Variants in MAP2K5 observed in about 807,000 individuals in gnomAD.
MAP2K5 encodes the protein mitogen-activated protein kinase kinase 5.
In MAP2K5, 49 loss-of-function variants were observed where a neutral mutation model predicts 83.1. That is an observed-to-expected ratio of 0.59 (90% CI 0.47 to 0.75). The LOEUF is 0.75. Among genes scored for constraint, MAP2K5 ranks in the 30% least tolerant of loss-of-function variants. MAP2K5 has a pLI of 0.00. For synonymous variants in MAP2K5, 202 were observed against 191.8 expected, an observed-to-expected ratio of 1.05 and a Z score of -0.44; for missense variants, 457 against 557.5, an observed-to-expected ratio of 0.82 and a Z score of 1.82.
intron 3 of MAP2K5, among the ~76,000 whole-genome samples, chr15:67,566,291 C>T (rs8031869): frequency 1.3e-5 from 2 of 152,156 alleles, no homozygotes; most frequent in African/African-American, 4.8e-5. Flanking sequence ...TCTCATGCCT[C>T]AGCCTCCCGG....
At chr15:67,692,107 A>T (rs2088128241) in intron 13 of MAP2K5, among the ~76,000 whole-genome samples, 1 of 152,202 alleles carries the variant, frequency 6.6e-6, no homozygotes, top group African/African-American at 2.4e-5. Context: ...ATATAGAGCA[A>T]AACTCATCCT....
chr15:67,648,250 C>G (rs2086872440), intron 11 of MAP2K5, among the ~76,000 whole-genome samples: 1 of 152,118 alleles, frequency 6.6e-6, no homozygotes, highest in African/African-American at 2.4e-5. Context: ...TCCTCAAGTC[C>G]TTGGCAACCA....
intron 2 of MAP2K5, among the ~76,000 whole-genome samples, chr15:67,558,537 G>T (rs1158464991): frequency 1.3e-5 from 2 of 152,166 alleles, no homozygotes; most frequent in Non-Finnish European, 2.9e-5. Flanking sequence ...CAACCCTCCA[G>T]TGATTTCCAT....
At chr15:67,590,442 CCTCCCTCT>C in intron 6 of MAP2K5, among the ~76,000 whole-genome samples, 1 of 5,836 alleles carries the variant, frequency 1.7e-4, no homozygotes, top group African/African-American at 3.8e-4. Flanking sequence ...TCTCTCCCTC[CCTCCCTCT>C]CTCTCTCTCT....
intron 12 of MAP2K5, chr15:67,659,139 T>C (rs1367362830): frequency 1.3e-5 from 3 of 238,760 alleles, no homozygotes; most frequent in African/African-American, 7.0e-5. Context: ...TATTCTTGTA[T>C]TTTCTATATG....
intron 9 of MAP2K5, among the ~76,000 whole-genome samples, chr15:67,631,568 T>A (rs982661682): frequency 7.2e-5 from 11 of 152,166 alleles, no homozygotes; most frequent in Non-Finnish European, 1.6e-4. Context: ...CTCGGCATAC[T>A]GAAATACCCA....
In MAP2K5 at chr15:67,664,613, C is replaced by A; in HGVS notation, c.815C>A (p.Thr272Asn). 1 of 1,592,884 alleles carries A rather than the reference C, an allele frequency of 6.3e-7. No homozygotes were observed. Among genetic ancestry groups the A allele is most frequent in the Non-Finnish European group, 8.6e-7 (1 of 1,161,562 alleles). ...RIAVAVVKGLTYLWSLKILHR... is the reference protein window; with the variant it reads ...RIAVAVVKGLNYLWSLKILHR... ...TAAATTTAGGTTGTTAAAGGCCTTA[C>A]TTATTTGTGGAGTTTAAAGATTTTA... Residue 272 changes from threonine (T) to asparagine (N), a missense_variant, in exon 13 of 22, where the codon ACT (threonine) becomes AAT (asparagine). This residue lies in a region of MAP2K5 where 168 missense variants were observed against 263.0 expected (regional missense o/e 0.64). Coordinates refer to ENST00000178640, the MANE Select transcript of MAP2K5 (RefSeq NM_145160.3).
chr15:67,558,569 A>G (rs2084672936), intron 2 of MAP2K5, among the ~76,000 whole-genome samples: 1 of 152,186 alleles, frequency 6.6e-6, no homozygotes. Context: ...GTAAAAGACC[A>G]AGTCCTTAAA....
intron 15 of MAP2K5, among the ~76,000 whole-genome samples, chr15:67,699,167 A>T (rs1471678952): frequency 6.6e-6 from 1 of 151,494 alleles, no homozygotes; most frequent in African/African-American, 2.4e-5. Flanking sequence ...TGCACCGAAG[A>T]GCTAAAAAGA....
intron 8 of MAP2K5, among the ~76,000 whole-genome samples, chr15:67,602,595 G>A (rs567080719): frequency 2.4e-4 from 36 of 152,144 alleles, no homozygotes; most frequent in Non-Finnish European, 3.7e-4. Flanking sequence ...GAATTTTTAC[G>A]AGACATAATA....
In MAP2K5 at chr15:67,630,765, T is replaced by G. The variant is rs1196052917; in HGVS notation, c.546-123T>G. On this transcript the variant is annotated intron_variant, in intron 8 of 21. Coordinates refer to ENST00000178640, the MANE Select transcript of MAP2K5 (RefSeq NM_145160.3). ...AAATGTAAATTACTAATGTTGTTAG[T>G]GTTCTTTGAAAGTACCATGTATCCC... 8.5e-5 allele frequency: 58 copies of G among 682,128 alleles called. No homozygotes were observed. In the Admixed American group the frequency reaches 1.5e-3, roughly 18 times the overall value. The allele number at this position is 682,128 out of a possible 1,614,324, so 42.3% of individuals were successfully genotyped here.
In MAP2K5 at chr15:67,637,611, A is replaced by G. The variant is rs2086629615; in HGVS notation, c.585+6684A>G. On this transcript the variant is annotated intron_variant, in intron 9 of 21. Coordinates refer to ENST00000178640, the MANE Select transcript of MAP2K5 (RefSeq NM_145160.3). This position sits in a 1 kb window ranked among gnomAD's most constrained non-coding sequence, Gnocchi z 4.5. ...CCTGACATCTATGTACAGATCATTC[A>G]TTACTCAGCTGAAGACTCCAGGACC... is the stretch of plus-strand genomic sequence containing the variant. Among the ~76,000 whole-genome samples, 4 of 152,040 alleles carry G rather than the reference A, an allele frequency of 2.6e-5. No individual in the cohort carries two copies. Among genetic ancestry groups the G allele is most frequent in the African/African-American group, 4.8e-5 (2 of 41,388 alleles).
In MAP2K5 at chr15:67,774,126, G is replaced by A. The variant is rs938566455; in HGVS notation, c.1242+1374G>A. 6.6e-6 allele frequency among the ~76,000 whole-genome samples: 1 copy of A among 151,924 alleles called. No homozygotes were observed. The highest frequency in any genetic ancestry group is 2.4e-5 in the African/African-American group (1 of 41,326). Reference sequence around the variant, plus strand: ...CACATCATAAAGACAAGGCTAAAGGGTGAGTACTTTCAGTGCCTTGAAAGC... The same window carrying A: ...CACATCATAAAGACAAGGCTAAAGGATGAGTACTTTCAGTGCCTTGAAAGC... On this transcript the variant is annotated intron_variant, in intron 21 of 21. Coordinates refer to ENST00000178640, the MANE Select transcript of MAP2K5 (RefSeq NM_145160.3). The surrounding 1 kb of genome is among the most constrained non-coding windows in gnomAD (Gnocchi z 4.9).
At chr15:67,791,558 A>T (rs1024457002) in intron 21 of MAP2K5, among the ~76,000 whole-genome samples, 24 of 152,224 alleles carry the variant, frequency 1.6e-4, no homozygotes, top group African/African-American at 4.8e-4. Context: ...GGCACAGGGT[A>T]AGTGCTCACA....
chr15:67,779,328 G>A lies in MAP2K5; in HGVS notation c.1242+6576G>A, dbSNP rs917551219. ...TTAATTGCATATAATTACATCGGCAGAATCACTGTCTGGATACTTGAGATC... is the reference window on the plus strand; with the variant it reads ...TTAATTGCATATAATTACATCGGCAAAATCACTGTCTGGATACTTGAGATC... On this transcript the variant is annotated intron_variant, in intron 21 of 21. Coordinates refer to ENST00000178640, the MANE Select transcript of MAP2K5 (RefSeq NM_145160.3). The surrounding 1 kb of genome is among the most constrained non-coding windows in gnomAD (Gnocchi z 4.6). Among the ~76,000 whole-genome samples the A allele has an allele frequency of 7.9e-5, 12 of 152,350 alleles. No individual in the cohort carries two copies. In the South Asian group the frequency reaches 1.2e-3, roughly 16 times the overall value.
At chr15:67,686,702 C>A (rs780387142) in intron 13 of MAP2K5, among the ~76,000 whole-genome samples, 2 of 151,982 alleles carry the variant, frequency 1.3e-5, no homozygotes, top group Non-Finnish European at 2.9e-5. Flanking sequence ...AATGACAAAA[C>A]CACTCAGTGA....
Position 67,724,125 on chromosome 15 carries a change from C to T in MAP2K5, c.1045-3791C>T, listed in dbSNP as rs1028891196. Among the ~76,000 whole-genome samples the T allele has an allele frequency of 6.6e-6, 1 of 152,160 alleles. No individual in the cohort carries two copies. The highest frequency in any genetic ancestry group is 2.4e-5 in the African/African-American group (1 of 41,446). On this transcript the variant is annotated intron_variant, in intron 16 of 21. Transcript: ENST00000178640. The surrounding 1 kb of genome is among the most constrained non-coding windows in gnomAD (Gnocchi z 4.4). ...TTAAAGCTTCATTAAATCTGAAACA[C>T]ATTTAGTACAGTGACATATCTGCAG...
intron 2 of MAP2K5, among the ~76,000 whole-genome samples, chr15:67,558,075 TA>T (rs2084663494): frequency 6.6e-6 from 1 of 152,234 alleles, no homozygotes; most frequent in Non-Finnish European, 1.5e-5. Flanking sequence ...CTTTTAGTCT[TA>T]TGAGAGTAGT....
intron 17 of MAP2K5, among the ~76,000 whole-genome samples, chr15:67,734,846 A>T (rs2089303190): frequency 6.6e-6 from 1 of 152,214 alleles, no homozygotes. Context: ...AGGAAAAAAT[A>T]GCAATGAGTA....
Sources: allele counts gnomAD v4.1 joint callset (sites outside exome capture counted in the v4.1 genomes callset), GRCh38; gene constraint gnomAD v4.1.1; regional missense constraint gnomAD v4.1.1; non-coding constraint Gnocchi (gnomAD v3.1); transcripts MANE v1.5; gene names NCBI Gene and HGNC (gene_info 2026-07-23, HGNC 2026-07-21).